The following PRPSAP2 variants were observed in gnomAD, a reference collection of about 807,000 sequenced individuals.
PRPSAP2 encodes the protein phosphoribosyl pyrophosphate synthetase associated protein 2, also known as phosphoribosyl pyrophosphate synthase-associated protein 2.
A neutral mutation model predicts 40.6 loss-of-function variants in PRPSAP2; 24 were observed. The ratio of observed to expected loss-of-function variants is 0.59; its 90% CI spans 0.43 to 0.83. The LOEUF (loss-of-function observed/expected upper bound fraction) is 0.83, where lower values mean the gene tolerates loss of function less well. Ranked by LOEUF, PRPSAP2 falls within the 40% of genes least tolerant of loss-of-function variation. The pLI, the probability that PRPSAP2 is intolerant of heterozygous loss-of-function variation, is 0.00. For missense variants in PRPSAP2, 292 were observed against 465.6 expected (o/e 0.63, Z 3.43); for synonymous variants, 149 against 164.7 (o/e 0.90, Z 0.73).
chr17:18,865,962 A>G lies in PRPSAP2; in HGVS notation c.119+10A>G. 1 of 1,403,592 alleles carries G rather than the reference A, an allele frequency of 7.1e-7. No homozygotes were observed. Among genetic ancestry groups the G allele is most frequent in the Non-Finnish European group, 9.4e-7 (1 of 1,060,220 alleles). 86.9% of individuals were successfully genotyped at this position (1,403,592 alleles called of 1,614,324 possible). On this transcript the variant is annotated intron_variant, in intron 3 of 11. Coordinates refer to ENST00000268835, the MANE Select transcript of PRPSAP2 (RefSeq NM_002767.4). Reference sequence around the variant, plus strand: ...CAAAGAAAATTGCAGAGTGAGTTATAATTGTACCATTAAAATCTATATTCA... The same window carrying G: ...CAAAGAAAATTGCAGAGTGAGTTATGATTGTACCATTAAAATCTATATTCA...
chr17:18,871,659 T>C (rs1357528160), intron 4 of PRPSAP2, among the ~76,000 whole-genome samples: 132 of 32,388 alleles, frequency 4.1e-3, no homozygotes, highest in African/African-American at 0.016. Flanking sequence ...TTTTCTTTTT[T>C]TTTTTTTTTT....
At chr17:18,901,920 T>C (rs1388016285) in intron 8 of PRPSAP2, among the ~76,000 whole-genome samples, 1 of 152,204 alleles carries the variant, frequency 6.6e-6, no homozygotes, top group Non-Finnish European at 1.5e-5. Context: ...TAGCTGGGAC[T>C]GCAGGCATGT....
chr17:18,904,778 A>G (rs2040479882), intron 8 of PRPSAP2: 1 of 152,220 alleles, frequency 6.6e-6, no homozygotes, highest in East Asian at 1.9e-4. Context: ...ATAGGAAACA[A>G]AAGGATAGCT....
At chr17:18,873,902 T>G (rs2038083832) in intron 5 of PRPSAP2, among the ~76,000 whole-genome samples, 1 of 151,932 alleles carries the variant, frequency 6.6e-6, no homozygotes. Context: ...TACTTTTTTT[T>G]TTTCTTTTTC....
chr17:18,916,735 G>C (rs1358978646), intron 9 of PRPSAP2, among the ~76,000 whole-genome samples: 1 of 152,158 alleles, frequency 6.6e-6, no homozygotes, highest in African/African-American at 2.4e-5. Context: ...TCTGGAGACT[G>C]GGAAGTCCTG....
chr17:18,858,106 T>TCCCC (rs2036720747), upstream of PRPSAP2: 2 of 151,678 alleles, frequency 1.3e-5, no homozygotes, highest in South Asian at 2.1e-4. Flanking sequence ...AGTCCCGCCC[T>TCCCC]CGCCCCTCCC....
chr17:18,872,760 A>G, intron 5 of PRPSAP2, 111 bp downstream of exon 5: 3 of 785,972 alleles, frequency 3.8e-6, no homozygotes, highest in South Asian at 2.1e-5. Context: ...AAATTAGTAT[A>G]TCTTACCAAT....
At chr17:18,891,206 G>A (rs924560023) in intron 8 of PRPSAP2, among the ~76,000 whole-genome samples, 5 of 152,152 alleles carry the variant, frequency 3.3e-5, no homozygotes, top group Non-Finnish European at 7.3e-5. Flanking sequence ...ATTGAAGGAT[G>A]GAGGAGAACT....
chr17:18,865,060 TGGTC>T (rs1253479918), intron 1 of PRPSAP2: 14 of 152,346 alleles, frequency 9.2e-5, no homozygotes, highest in African/African-American at 3.4e-4. Flanking sequence ...TTGGCCAGGG[TGGTC>T]TTGATCTCTT....
intron 8 of PRPSAP2, among the ~76,000 whole-genome samples, chr17:18,890,894 G>A (rs1182083149): frequency 6.6e-6 from 1 of 152,156 alleles, no homozygotes; most frequent in Non-Finnish European, 1.5e-5. Flanking sequence ...TACCAAAGGG[G>A]GAGCCTTGAG....
At position 18,930,563 on chromosome 17, in the gene PRPSAP2, A is replaced by G; in HGVS notation, c.975A>G (p.Pro325=). 1 of 1,613,690 alleles carries G rather than the reference A, an allele frequency of 6.2e-7. No individual in the cohort carries two copies. The highest frequency in any genetic ancestry group is 8.5e-7 in the Non-Finnish European group (1 of 1,179,784). Residue 325 remains proline (P), a synonymous_variant, in exon 12 of 12, where the codon CCA becomes CCG. Transcript: ENST00000268835. ...AGGTGGTGGTCACCAATACAATTCC[A>G]CATGAAGTCCAGAAGCTCCAGTGCC... The part of the protein sequence containing the change: ...IDEVVVTNTI[P]HEVQKLQCPK...
intron 8 of PRPSAP2, chr17:18,908,776 A>G: frequency 1.4e-6 from 1 of 703,710 alleles, no homozygotes. Context: ...GGATCGGGCA[A>G]AAACGATCAT....
intron 8 of PRPSAP2, among the ~76,000 whole-genome samples, chr17:18,892,737 A>ATTTC (rs1164343157): frequency 1.7e-5 from 1 of 57,804 alleles, no homozygotes; most frequent in African/African-American, 6.1e-5. Flanking sequence ...GTATTTATTT[A>ATTTC]TTTATTTATT....
At chr17:18,917,572 ATTATTATTATTATTTT>A (rs1374963181) in intron 9 of PRPSAP2, 5 of 29,372 alleles carry the variant, frequency 1.7e-4, no homozygotes, top group African/African-American at 4.0e-4. Context: ...TATTATTATT[ATTATTATTATTATTTT>A]TTTTTTTTTT....
chr17:18,930,412 G>C (rs2042202167), intron 11 of PRPSAP2, 128 bp from the exon 12 acceptor site: 1 of 771,608 alleles, frequency 1.3e-6, no homozygotes, highest in African/African-American at 1.8e-5. Context: ...ACATTGACTT[G>C]AGACATAGAT....
At chr17:18,889,959 A>G in intron 8 of PRPSAP2, 82 bp downstream of exon 8, 1 of 1,244,188 alleles carries the variant, frequency 8.0e-7, no homozygotes, top group Non-Finnish European at 1.1e-6. Context: ...TCTAATTTGA[A>G]CTTCAGTGGT....
At chr17:18,889,919 A>C (rs374640775) in intron 8 of PRPSAP2, 42 bp downstream of exon 8, 16 of 1,568,934 alleles carry the variant, frequency 1.0e-5, no homozygotes, top group Non-Finnish European at 1.2e-5. Context: ...TCTACTTCTA[A>C]GGATTGTATC....
chr17:18,909,097 C>T (rs1199661281), intron 8 of PRPSAP2, among the ~76,000 whole-genome samples: 1 of 152,150 alleles, frequency 6.6e-6, no homozygotes, highest in East Asian at 1.9e-4. Context: ...AATTGATAAA[C>T]CTTTATCCAG....
intron 8 of PRPSAP2, among the ~76,000 whole-genome samples, chr17:18,897,325 G>A (rs779572577): frequency 2.0e-5 from 3 of 152,128 alleles, no homozygotes; most frequent in Non-Finnish European, 2.9e-5. Flanking sequence ...GCAAGCTGTT[G>A]GTTAACTTCC....
Sources: gnomAD v4.1 joint callset for allele counts (sites outside exome capture counted in the v4.1 genomes callset) on GRCh38, gnomAD v4.1.1 for gene constraint, MANE v1.5 for transcripts, NCBI Gene and HGNC (gene_info 2026-07-23, HGNC 2026-07-21) for gene names.